RIPOR2: variants seen among roughly 807,000 people sequenced by gnomAD.
RIPOR2 encodes RHO family interacting cell polarization regulator 2.
RIPOR2 carries 39 observed loss-of-function variants against 114.5 expected under a neutral mutation model. The ratio of observed to expected loss-of-function variants is 0.34; its 90% CI spans 0.26 to 0.44. The LOEUF (loss-of-function observed/expected upper bound fraction) is 0.44, where lower values mean the gene tolerates loss of function less well. Ranked by LOEUF, RIPOR2 falls within the 20% of genes least tolerant of loss-of-function variation. The pLI, the probability that RIPOR2 is intolerant of heterozygous loss-of-function variation, is 1.00. For missense variants in RIPOR2, 1,007 were observed against 1,255.1 expected (o/e 0.80, Z 2.99); for synonymous variants, 445 against 484.4 (o/e 0.92, Z 1.07).
intron 1 of RIPOR2, among the ~76,000 whole-genome samples, chr6:24,950,782 C>G (rs569820399): frequency 1.2e-4 from 18 of 152,260 alleles, no homozygotes; most frequent in African/African-American, 4.3e-4. Context: ...TAAAGTGCAG[C>G]TATCTAACAG....
chr6:24,875,919 A>T, intron 1 of RIPOR2, 102 bp from the exon 2 acceptor site: 1 of 1,087,000 alleles, frequency 9.2e-7, no homozygotes, highest in Non-Finnish European at 1.3e-6. Flanking sequence ...AAGCCATGAG[A>T]CTGTTAAGTG....
At chr6:24,992,954 G>A (rs1265389976) in intron 1 of RIPOR2, among the ~76,000 whole-genome samples, 2 of 152,116 alleles carry the variant, frequency 1.3e-5, no homozygotes. Context: ...GTGCCACCAG[G>A]GAATGGCCTT....
chr6:24,952,838 C>G (rs1581866158), intron 1 of RIPOR2, among the ~76,000 whole-genome samples: 1 of 152,118 alleles, frequency 6.6e-6, no homozygotes, highest in South Asian at 2.1e-4. Flanking sequence ...TTTTTTAAAT[C>G]TAGAAAGAAT....
chr6:25,030,654 C>CT lies in RIPOR2; in HGVS notation c.76+11196dup, dbSNP rs913573805. Among the ~76,000 whole-genome samples, 125 of 152,006 alleles carry CT rather than the reference C, an allele frequency of 8.2e-4. 1 individual carries two copies. Among genetic ancestry groups the CT allele is most frequent in the Middle Eastern group, 6.8e-3 (2 of 294 alleles). ...TGATTCTGTTTATGAGATATTCTGG[C>CT]TTTTTTTTAAAAGGCATAGGGTCTT... On this transcript the variant is annotated intron_variant, in intron 1 of 13. Coordinates refer to the RIPOR2 transcript ENST00000510784.
chr6:25,028,497 G>A (rs1776736225), intron 1 of RIPOR2, among the ~76,000 whole-genome samples: 1 of 152,228 alleles, frequency 6.6e-6, no homozygotes, highest in African/African-American at 2.4e-5. Flanking sequence ...ACTTCTCTGA[G>A]CCTCAGCCTC....
chr6:25,028,468 A>T (rs1486737764), intron 1 of RIPOR2, among the ~76,000 whole-genome samples: 1 of 152,216 alleles, frequency 6.6e-6, no homozygotes, highest in Admixed American at 6.5e-5. Flanking sequence ...GTGGCCTGTG[A>T]CTTTTAATAA....
At chr6:25,012,933 C>T (rs1775831029) in intron 1 of RIPOR2, among the ~76,000 whole-genome samples, 1 of 151,810 alleles carries the variant, frequency 6.6e-6, no homozygotes, top group Admixed American at 6.6e-5. Context: ...TTGCACAATC[C>T]CTGCCTCCAT....
rs529880330 is a variant in RIPOR2 at position 25,024,324 on chromosome 6, T to G, written c.76+17527A>C. 35 of 1,480,526 alleles carry G rather than the reference T, an allele frequency of 2.4e-5. No homozygotes were observed. In the East Asian group the frequency reaches 5.2e-4, roughly 22 times the overall value. The allele number at this position is 1,480,526 out of a possible 1,614,324, so 91.7% of individuals were successfully genotyped here. On this transcript the variant is annotated intron_variant, in intron 1 of 13. Coordinates refer to the RIPOR2 transcript ENST00000510784. ...AATGAACACCTTTTTGGCCCCAAGTTTCAGTGCCTTCTTCCTGGCTTCCTC... is the reference window on the plus strand; with the variant it reads ...AATGAACACCTTTTTGGCCCCAAGTGTCAGTGCCTTCTTCCTGGCTTCCTC...
intron 8 of RIPOR2, among the ~76,000 whole-genome samples, chr6:24,859,715 A>G (rs1444382947): frequency 6.6e-6 from 1 of 152,140 alleles, no homozygotes; most frequent in Non-Finnish European, 1.5e-5. Context: ...AGGCTCTTAC[A>G]TGTCAGTGCC....
chr6:24,861,080 C>A (rs769237320), intron 7 of RIPOR2, 44 bp from the exon 8 acceptor site: 2 of 1,402,446 alleles, frequency 1.4e-6, no homozygotes, highest in South Asian at 2.4e-5. Flanking sequence ...AGCCTTTCAC[C>A]CAACAGCTCA....
chr6:24,992,244 C>G, intron 1 of RIPOR2, among the ~76,000 whole-genome samples: 1 of 152,258 alleles, frequency 6.6e-6, no homozygotes, highest in South Asian at 2.1e-4. Context: ...AGTCCATTCT[C>G]AATCTTAGCT....
intron 9 of RIPOR2, among the ~76,000 whole-genome samples, chr6:24,851,084 G>A (rs1191625570): frequency 6.6e-6 from 1 of 151,890 alleles, no homozygotes; most frequent in Non-Finnish European, 1.5e-5. Context: ...TTAGTAAGAC[G>A]GGGTTTCACC....
At chr6:24,994,631 T>G (rs1774967638) in intron 1 of RIPOR2, among the ~76,000 whole-genome samples, 1 of 152,162 alleles carries the variant, frequency 6.6e-6, no homozygotes, top group Admixed American at 6.5e-5. Context: ...GGGGTACTCA[T>G]GAGAGCGATG....
At chr6:24,946,682 T>C (rs1012791226) in intron 1 of RIPOR2, among the ~76,000 whole-genome samples, 2 of 151,950 alleles carry the variant, frequency 1.3e-5, no homozygotes, top group Non-Finnish European at 2.9e-5. Flanking sequence ...GATCAGGGGG[T>C]TCCTGGGGGA....
chr6:24,861,138 G>A lies in RIPOR2; in HGVS notation c.652-102C>T, dbSNP rs11757512. 5,868 of 722,690 alleles carry A rather than the reference G, an allele frequency of 8.1e-3. 38 individuals are homozygous for A. The highest frequency in any genetic ancestry group is 0.01 in the Non-Finnish European group (4,149 of 406,226). The allele number at this position is 722,690 out of a possible 1,614,324, so 44.8% of individuals were successfully genotyped here. A position where few individuals can be genotyped will look rare whatever the true frequency, so the allele number is the denominator to read the frequency against. ...AGCACAACCACTGCGTGAACAACGAGAAGCATTTACCTGTTTGCTCCACAC... is the reference window on the plus strand; with the variant it reads ...AGCACAACCACTGCGTGAACAACGAAAAGCATTTACCTGTTTGCTCCACAC... On this transcript the variant is annotated intron_variant, in intron 7 of 21. Coordinates refer to ENST00000643898, the MANE Select transcript of RIPOR2 (RefSeq NM_001286445.3).
rs1167492671 is a variant in RIPOR2, at chr6:24,883,974, ATTAT to A, written c.62-8161_62-8158del. ...TGTAAATAGCCTGCTATGCAAAATA[ATTAT>A]TTAAGATGAAAACTAAAGATACACG... On this transcript the variant is annotated intron_variant, in intron 1 of 21. Coordinates refer to ENST00000643898, the MANE Select transcript of RIPOR2 (RefSeq NM_001286445.3). This position sits in a 1 kb window ranked among gnomAD's most constrained non-coding sequence, Gnocchi z 4.1. Among the ~76,000 whole-genome samples, 1 of 152,224 alleles carries A rather than the reference ATTAT, an allele frequency of 6.6e-6. No individual in the cohort carries two copies. The highest frequency in any genetic ancestry group is 1.5e-5 in the Non-Finnish European group (1 of 68,038).
At chr6:25,033,207 CAA>C (rs55686113) in intron 1 of RIPOR2, among the ~76,000 whole-genome samples, 46,071 of 148,426 alleles carry the variant, frequency 0.31, 10,022 homozygotes, top group African/African-American at 0.59. Flanking sequence ...GATCTCATCT[CAA>C]AAAAAAAAAA....
intron 8 of RIPOR2, among the ~76,000 whole-genome samples, chr6:24,855,008 A>G (rs4286773): frequency 0.21 from 29,326 of 141,172 alleles, 3,579 homozygotes; most frequent in East Asian, 0.32. Context: ...GCCTGGCAAC[A>G]GTGAAACTCC....
intron 1 of RIPOR2, among the ~76,000 whole-genome samples, chr6:24,880,080 G>A (rs1230045561): frequency 6.6e-6 from 1 of 152,216 alleles, no homozygotes; most frequent in African/African-American, 2.4e-5. Flanking sequence ...CAATTTGGCA[G>A]TATCTGTTTA....
Sources: allele counts gnomAD v4.1 joint callset (sites outside exome capture counted in the v4.1 genomes callset), GRCh38; gene constraint gnomAD v4.1.1; non-coding constraint Gnocchi (gnomAD v3.1); transcripts MANE v1.5; gene names NCBI Gene and HGNC (gene_info 2026-07-23, HGNC 2026-07-21).